Variants in TENM3 observed in about 807,000 individuals in gnomAD.
The protein encoded by TENM3 is teneurin-3.
A neutral mutation model predicts 255.1 loss-of-function variants in TENM3; 63 were observed. That is an observed-to-expected ratio of 0.25 (90% CI 0.20 to 0.30). The LOEUF is 0.30. Ranked by LOEUF, TENM3 falls within the 10% of genes least tolerant of loss-of-function variation. TENM3 has a pLI of 1.00. For missense variants in TENM3, 2,929 were observed against 3,461.1 expected (o/e 0.85, Z 3.86); for synonymous variants, 1,306 against 1,322.3 (o/e 0.99, Z 0.27).
the TENM3 span, among the ~76,000 whole-genome samples, chr4:182,032,439 G>T: frequency 6.6e-6 from 1 of 152,150 alleles, no homozygotes; most frequent in Non-Finnish European, 1.5e-5. Flanking sequence ...AAGTGCTGCT[G>T]GATTTGGTTT....
Position 182,729,063 on chromosome 4 carries a change from A to G in TENM3, c.2467A>G (p.Ser823Gly). The G allele has an allele frequency of 6.2e-7, 1 of 1,614,034 alleles. No individual in the cohort carries two copies. The highest frequency in any genetic ancestry group is 8.5e-7 in the Non-Finnish European group (1 of 1,179,894). ...ACTGCCGGATCCTCAGGACATCATT[A>G]GCCAAAGCCTTCAATCGCCTTCTCA... is the stretch of plus-strand genomic sequence containing the variant. The part of the protein sequence containing the change: ...RGLPDPQDII[S>G]QSLQSPSQQA... Residue 823 changes from serine (S) to glycine (G), a missense_variant, in exon 14 of 28, where the codon AGC becomes GGC. Around this residue, in one of 6 missense-constraint regions of TENM3, gnomAD observed 1,608 missense variants for 1,884.4 expected, o/e 0.85. Transcript: ENST00000511685.
At chr4:182,665,048 C>T (rs188579832) in intron 6 of TENM3, among the ~76,000 whole-genome samples, 5 of 152,158 alleles carry the variant, frequency 3.3e-5, no homozygotes, top group African/African-American at 1.2e-4. Flanking sequence ...GATGAAAGAG[C>T]CTTAGACTGG....
intron 1 of TENM3, among the ~76,000 whole-genome samples, chr4:182,317,228 G>C (rs1463694084): frequency 1.3e-5 from 2 of 152,058 alleles, no homozygotes; most frequent in Non-Finnish European, 2.9e-5. Flanking sequence ...CTCTGTCTCT[G>C]AATCTTCCCA....
rs895455481 is a variant in TENM3, at chr4:182,754,027, A to G, written c.4018-358A>G. On this transcript the variant is annotated intron_variant, in intron 21 of 27. Coordinates refer to ENST00000511685, the MANE Select transcript of TENM3 (RefSeq NM_001080477.4). The surrounding 1 kb of genome is among the most constrained non-coding windows in gnomAD (Gnocchi z 5.1). The stretch of plus-strand genomic sequence containing the variant: ...GTTGGCCTGATTGAAAACACAATAG[A>G]ATACTAATCTATTCATAACCTAGAA... Among the ~76,000 whole-genome samples the G allele has an allele frequency of 2.6e-5, 4 of 152,190 alleles. No individual in the cohort carries two copies. Among genetic ancestry groups the G allele is most frequent in the Non-Finnish European group, 4.4e-5 (3 of 68,032 alleles).
At chr4:181,970,190 C>T in the TENM3 span, among the ~76,000 whole-genome samples, 2 of 152,052 alleles carry the variant, frequency 1.3e-5, no homozygotes, top group Non-Finnish European at 2.9e-5. Flanking sequence ...AACTAAATTA[C>T]CAGTAGTCAT....
chr4:181,474,893 C>G, the TENM3 span, among the ~76,000 whole-genome samples: 1 of 152,054 alleles, frequency 6.6e-6, no homozygotes, highest in Non-Finnish European at 1.5e-5. Flanking sequence ...CTTCTCCCCC[C>G]ACCTCATATT....
the TENM3 span, among the ~76,000 whole-genome samples, chr4:181,968,990 C>CTATATA: frequency 4.3e-4 from 41 of 94,836 alleles, no homozygotes; most frequent in African/African-American, 1.6e-3. Flanking sequence ...CTCTCTCTCT[C>CTATATA]TCTATATACA....
chr4:181,730,983 C>A, the TENM3 span, among the ~76,000 whole-genome samples: 1 of 152,126 alleles, frequency 6.6e-6, no homozygotes, highest in Non-Finnish European at 1.5e-5. Context: ...TTATAAGAAT[C>A]CTGTTCCACA....
At chr4:181,865,659 G>T in the TENM3 span, among the ~76,000 whole-genome samples, 7 of 152,160 alleles carry the variant, frequency 4.6e-5, no homozygotes. Context: ...AAGCTTTTTA[G>T]CACTGACAGA....
chr4:182,780,563 T>C (rs1366767222), intron 24 of TENM3, among the ~76,000 whole-genome samples: 1 of 125,434 alleles, frequency 8.0e-6, no homozygotes, highest in Admixed American at 8.5e-5. Context: ...CCATATGAAC[T>C]TTAAAGTAGT....
intron 22 of TENM3, among the ~76,000 whole-genome samples, chr4:182,757,061 C>T (rs1355169748): frequency 6.6e-6 from 1 of 151,936 alleles, no homozygotes; most frequent in Non-Finnish European, 1.5e-5. Flanking sequence ...ACCTGTAATC[C>T]CAGCACTTTG....
At chr4:182,076,297 T>C in the TENM3 span, among the ~76,000 whole-genome samples, 1 of 150,104 alleles carries the variant, frequency 6.7e-6, no homozygotes, top group East Asian at 2.0e-4. Flanking sequence ...CTCCGCCTCC[T>C]GGGTTCAAGC....
At chr4:182,585,041 CT>C (rs1369478116) in intron 3 of TENM3, among the ~76,000 whole-genome samples, 1 of 152,130 alleles carries the variant, frequency 6.6e-6, no homozygotes, top group Non-Finnish European at 1.5e-5. Flanking sequence ...ATGTAAACAT[CT>C]TTTTTTCCTA....
chr4:182,018,438 G>A, the TENM3 span, among the ~76,000 whole-genome samples: 2 of 152,154 alleles, frequency 1.3e-5, no homozygotes, highest in Non-Finnish European at 2.9e-5. Flanking sequence ...TTGAATGGAT[G>A]GGGATTATTT....
intron 1 of TENM3, among the ~76,000 whole-genome samples, chr4:182,277,680 T>C (rs542350337): frequency 6.6e-6 from 1 of 152,278 alleles, no homozygotes; most frequent in Admixed American, 6.5e-5. Flanking sequence ...GATGACAAAA[T>C]AGGATAGAGT....
At chr4:182,365,877 C>G (rs1180313581) in intron 3 of TENM3, among the ~76,000 whole-genome samples, 1 of 152,172 alleles carries the variant, frequency 6.6e-6, no homozygotes, top group African/African-American at 2.4e-5. Flanking sequence ...TGCTCCTAGG[C>G]TACAAATCTG....
At position 182,448,848 on chromosome 4, in the gene TENM3, C is replaced by A. The variant is rs541620156; in HGVS notation, c.511+101919C>A. 1.1e-3 allele frequency among the ~76,000 whole-genome samples: 173 copies of A among 151,360 alleles called. 1 individual carries two copies. The highest frequency in any genetic ancestry group is 4.1e-3 in the African/African-American group (168 of 41,388). ...GTGAGGCGGCGGCCGAGCCGGGGCGCTGGGCGCGGGGCTGGCGGGAGGCGG... is the reference window on the plus strand; with the variant it reads ...GTGAGGCGGCGGCCGAGCCGGGGCGATGGGCGCGGGGCTGGCGGGAGGCGG... On this transcript the variant is annotated intron_variant, in intron 3 of 27. Coordinates refer to ENST00000511685, the MANE Select transcript of TENM3 (RefSeq NM_001080477.4).
intron 22 of TENM3, among the ~76,000 whole-genome samples, chr4:182,765,918 G>T (rs114048607): frequency 0.021 from 3,174 of 152,264 alleles, 102 homozygotes; most frequent in African/African-American, 0.072. Context: ...AATTTCCTCT[G>T]CTAAAACAGT....
chr4:182,299,353 C>A (rs1446217391), intron 1 of TENM3, among the ~76,000 whole-genome samples: 1 of 152,138 alleles, frequency 6.6e-6, no homozygotes, highest in African/African-American at 2.4e-5. Flanking sequence ...CTTACAATTT[C>A]ATTGAATCAA....
Sources: gnomAD v4.1 joint callset for allele counts (sites outside exome capture counted in the v4.1 genomes callset) on GRCh38, gnomAD v4.1.1 for gene constraint, gnomAD v4.1.1 regional missense constraint, Gnocchi (gnomAD v3.1) non-coding constraint, MANE v1.5 for transcripts, NCBI Gene and HGNC (gene_info 2026-07-23, HGNC 2026-07-21) for gene names.